Variants in ACER1 observed in about 807,000 individuals in gnomAD.
ACER1 encodes alkaline ceramidase 1.
Under a neutral mutation model 24.9 loss-of-function variants are expected in ACER1, and 28 were observed. The ratio of observed to expected loss-of-function variants is 1.13; its 90% CI spans 0.83 to 1.54. The LOEUF is 1.54. Among genes scored for constraint, ACER1 ranks in the 40% most tolerant of loss-of-function variants. ACER1 has a pLI of 0.00. For missense variants in ACER1, 352 were observed against 349.3 expected (o/e 1.01, Z -0.06); for synonymous variants, 132 against 131.4 (o/e 1.00, Z -0.03).
rs550031313 is a variant in ACER1, at chr19:6,309,421, C to T, written c.488+276G>A. Reference sequence around the variant, plus strand: ...CCTCTAGTCCCAGCTACTTGGGAGGCTGGAGTGGGAGGATTGCTTGAGCCT... The same window carrying T: ...CCTCTAGTCCCAGCTACTTGGGAGGTTGGAGTGGGAGGATTGCTTGAGCCT... On this transcript the variant is annotated intron_variant, in intron 4 of 5. Transcript: ENST00000301452. Among the ~76,000 whole-genome samples the T allele has an allele frequency of 5.9e-5, 9 of 151,874 alleles. No homozygotes were observed. In the South Asian group the frequency reaches 1.5e-3, roughly 25 times the overall value.
At chr19:6,317,917 T>G (rs28655343) in intron 1 of ACER1, among the ~76,000 whole-genome samples, 9,949 of 151,938 alleles carry the variant, frequency 0.065, 371 homozygotes, top group East Asian at 0.12. Flanking sequence ...ACCATGTATG[T>G]CTAATTTTTG....
In ACER1 at chr19:6,312,455, G is replaced by A. The variant is rs559099153; in HGVS notation, c.138C>T (p.Leu46=). The change falls in exon 2 of 6, where the codon CTC becomes CTT. Residue 46 remains leucine, a synonymous_variant. Coordinates refer to ENST00000301452, the MANE Select transcript of ACER1 (RefSeq NM_133492.3). ...PFFIFGPLMM[L]LMHPYAQKRS... ...GCTTCTGGGCATACGGGTGCATCAG[G>A]AGCATCATCAGTGGCCCGAAGATGA... 43 of 1,613,980 alleles carry A rather than the reference G, an allele frequency of 2.7e-5. No individual in the cohort carries two copies. The East Asian group carries it at 9.1e-4, about 34-fold the overall frequency.
chr19:6,315,508 C>A (rs932555404), intron 1 of ACER1, among the ~76,000 whole-genome samples: 1 of 151,934 alleles, frequency 6.6e-6, no homozygotes, highest in East Asian at 1.9e-4. Flanking sequence ...GCCTCCCCAG[C>A]AGCTGGGACT....
chr19:6,333,475 G>A lies in ACER1; in HGVS notation c.77C>T (p.Ala26Val). 1 of 1,591,306 alleles carries A rather than the reference G, an allele frequency of 6.3e-7. No individual in the cohort carries two copies. The highest frequency in any genetic ancestry group is 1.8e-5 in the Admixed American group (1 of 56,800). Residue 26 changes from alanine (A) to valine (V), a missense_variant, in exon 1 of 6, where the codon GCC becomes GTC. Physicochemically the swap from Ala to Val is moderately conservative, Grantham distance 64. Transcript: ENST00000301452. ...CGCACTCACCGTGTTGTAGAACTCG[G>A]CCACCAGCTCCGAGTACTGGAAGTT... is the stretch of plus-strand genomic sequence containing the variant. Reference protein sequence around the residue: ...ESNFQYSELVAEFYNTFSNIP... With the variant: ...ESNFQYSELVVEFYNTFSNIP...
intron 1 of ACER1, among the ~76,000 whole-genome samples, chr19:6,319,746 C>G (rs1285357087): frequency 6.6e-6 from 1 of 152,028 alleles, no homozygotes; most frequent in Admixed American, 6.6e-5. Flanking sequence ...CCCCTCCCCA[C>G]CCTGTATCTA....
chr19:6,312,158 C>G lies in ACER1; in HGVS notation c.341G>C (p.Gly114Ala), dbSNP rs202029685. 475 of 1,613,336 alleles carry G rather than the reference C, an allele frequency of 2.9e-4. 1 individual carries two copies. Among genetic ancestry groups the G allele is most frequent in the South Asian group, 5.9e-4 (54 of 91,028 alleles). The change falls in exon 3 of 6, where the codon GGG becomes GCG. Residue 114 changes from glycine to alanine, a missense_variant. Physicochemically the swap from Gly to Ala is moderately conservative, Grantham distance 60. Coordinates refer to ENST00000301452, the MANE Select transcript of ACER1 (RefSeq NM_133492.3). ...MPRCYFPSFLGGNRSQFIRLV... is the reference protein window; with the variant it reads ...MPRCYFPSFLAGNRSQFIRLV... Reference sequence around the variant, plus strand: ...CCAGCCCCTGACCCACCTGTTCCCCCCAAGGAAGGAGGGGAAATAGCAGCG... The same window carrying G: ...CCAGCCCCTGACCCACCTGTTCCCCGCAAGGAAGGAGGGGAAATAGCAGCG...
chr19:6,331,509 C>G (rs1036643660), intron 1 of ACER1, among the ~76,000 whole-genome samples: 1 of 149,618 alleles, frequency 6.7e-6, no homozygotes, highest in African/African-American at 2.4e-5. Context: ...CTAAGCACTA[C>G]GAGGCCGGGC....
chr19:6,320,991 T>G (rs1453128769), intron 1 of ACER1, among the ~76,000 whole-genome samples: 1 of 147,732 alleles, frequency 6.8e-6, no homozygotes, highest in Non-Finnish European at 1.5e-5. Flanking sequence ...TGTGGGTTGT[T>G]TTTTTTTTTT....
chr19:6,307,546 G>GC, intron 4 of ACER1, among the ~76,000 whole-genome samples: 1 of 151,938 alleles, frequency 6.6e-6, no homozygotes, highest in East Asian at 1.9e-4. Flanking sequence ...ACTTTGGGAG[G>GC]CTGAGGTTGG....
At chr19:6,340,450 A>C in the ACER1 span, among the ~76,000 whole-genome samples, 3 of 152,078 alleles carry the variant, frequency 2.0e-5, no homozygotes, top group Non-Finnish European at 4.4e-5. Flanking sequence ...CTACAGCCCT[A>C]GCCCCCAAAT....
intron 4 of ACER1, among the ~76,000 whole-genome samples, chr19:6,308,040 G>A (rs150490369): frequency 0.04 from 6,020 of 151,796 alleles, 395 homozygotes; most frequent in African/African-American, 0.14. Context: ...CCGGGATTGC[G>A]CCACTGCACG....
At chr19:6,323,244 C>T (rs1185304151) in intron 1 of ACER1, among the ~76,000 whole-genome samples, 1 of 152,056 alleles carries the variant, frequency 6.6e-6, no homozygotes, top group Non-Finnish European at 1.5e-5. Flanking sequence ...CACAGTGAAA[C>T]CCCATCTCTA....
chr19:6,354,916 C>T, the ACER1 span, among the ~76,000 whole-genome samples: 2 of 152,192 alleles, frequency 1.3e-5, no homozygotes, highest in Non-Finnish European at 2.9e-5. Context: ...TCACTGCAGC[C>T]TCCCTGCCTG....
chr19:6,337,645 T>TTTTC (rs1568315504), upstream of ACER1, among the ~76,000 whole-genome samples: 77 of 96,188 alleles, frequency 8.0e-4, no homozygotes, highest in African/African-American at 3.2e-3. Context: ...TTTTCTTTTC[T>TTTTC]TTTCTTTCTT....
At chr19:6,323,297 G>A (rs1040798693) in intron 1 of ACER1, among the ~76,000 whole-genome samples, 11 of 151,924 alleles carry the variant, frequency 7.2e-5, no homozygotes, top group African/African-American at 2.2e-4. Flanking sequence ...GCGGGTGCCT[G>A]TAGTCCCAGC....
In ACER1 at chr19:6,311,347, C is replaced by T. The variant is rs1448866167; in HGVS notation, c.350+802G>A. On this transcript the variant is annotated intron_variant, in intron 3 of 5. Transcript: ENST00000301452. ...TCACTTGAGATCAGGAGATCGAGAC[C>T]AGCCTGGCCAACATGGTGAAACCGT... is the stretch of plus-strand genomic sequence containing the variant. 2.6e-5 allele frequency among the ~76,000 whole-genome samples: 4 copies of T among 151,916 alleles called. No homozygotes were observed. In the South Asian group the frequency reaches 8.3e-4, roughly 32 times the overall value.
chr19:6,359,795 G>A, the ACER1 span, among the ~76,000 whole-genome samples: 1,966 of 152,182 alleles, frequency 0.013, 30 homozygotes, highest in East Asian at 0.026. Context: ...CCTTTCTGAG[G>A]ACTTTCTGCA....
chr19:6,319,193 C>T (rs1207600394), intron 1 of ACER1, among the ~76,000 whole-genome samples: 1 of 152,162 alleles, frequency 6.6e-6, no homozygotes, highest in Non-Finnish European at 1.5e-5. Context: ...CAGGAGTTAT[C>T]AACAGTGTCC....
intron 1 of ACER1, among the ~76,000 whole-genome samples, chr19:6,328,475 C>A (rs1187948213): frequency 9.1e-6 from 1 of 110,068 alleles, no homozygotes; most frequent in African/African-American, 3.7e-5. Flanking sequence ...CCAGCCTGGG[C>A]AACAGACTGA....
Sources: allele counts gnomAD v4.1 joint callset (sites outside exome capture counted in the v4.1 genomes callset), GRCh38; gene constraint gnomAD v4.1.1; transcripts MANE v1.5; gene names NCBI Gene and HGNC (gene_info 2026-07-23, HGNC 2026-07-21).